ZNF804B: variants seen among roughly 807,000 people sequenced by gnomAD.
ZNF804B encodes zinc finger 804B.
ZNF804B carries 80 observed loss-of-function variants against 101.4 expected under a neutral mutation model. That is an observed-to-expected ratio of 0.79 (90% CI 0.66 to 0.95). ZNF804B has a LOEUF of 0.95. Among genes scored for constraint, ZNF804B ranks in the 40% least tolerant of loss-of-function variants. The probability of loss-of-function intolerance (pLI) is 0.00; values close to 1 mark genes in which losing one functional copy is unlikely to be tolerated. For synonymous variants in ZNF804B, 622 were observed against 558.8 expected, an observed-to-expected ratio of 1.11 and a Z score of -1.59; for missense variants, 1,673 against 1,561.9, an observed-to-expected ratio of 1.07 and a Z score of -1.20.
intron 1 of ZNF804B, among the ~76,000 whole-genome samples, chr7:88,915,081 ATAT>A (rs1290939214): frequency 6.6e-6 from 1 of 152,118 alleles, no homozygotes; most frequent in Non-Finnish European, 1.5e-5. Flanking sequence ...TGTGTTAGAA[ATAT>A]TATGTGTATA....
intron 2 of ZNF804B, among the ~76,000 whole-genome samples, chr7:89,222,431 G>A (rs1789019184): frequency 6.6e-6 from 1 of 151,878 alleles, no homozygotes; most frequent in Admixed American, 6.6e-5. Flanking sequence ...GACCAGATAA[G>A]TCTTTTCAAA....
At chr7:88,762,816 G>C (rs1289086761) in intron 1 of ZNF804B, among the ~76,000 whole-genome samples, 1 of 150,886 alleles carries the variant, frequency 6.6e-6, no homozygotes, top group African/African-American at 2.4e-5. Flanking sequence ...GATATTCTTA[G>C]TTGACTTAAC....
At chr7:88,989,926 C>G (rs1418139287) in intron 1 of ZNF804B, among the ~76,000 whole-genome samples, 1 of 152,028 alleles carries the variant, frequency 6.6e-6, no homozygotes, top group Non-Finnish European at 1.5e-5. Flanking sequence ...TATCTACACA[C>G]CTACCTACCT....
At chr7:89,026,841 A>G (rs989420787) in intron 1 of ZNF804B, among the ~76,000 whole-genome samples, 2 of 152,138 alleles carry the variant, frequency 1.3e-5, no homozygotes, top group African/African-American at 4.8e-5. Context: ...ACCCAAATGG[A>G]GCTTTTGGTG....
At chr7:88,999,131 A>C (rs1438057295) in intron 1 of ZNF804B, among the ~76,000 whole-genome samples, 1 of 152,120 alleles carries the variant, frequency 6.6e-6, no homozygotes, top group Non-Finnish European at 1.5e-5. Context: ...TGAGATTTCA[A>C]TCAGTTTTAC....
intron 1 of ZNF804B, among the ~76,000 whole-genome samples, chr7:88,950,588 TGTAA>T (rs894990566): frequency 2.4e-4 from 36 of 151,902 alleles, no homozygotes; most frequent in Admixed American, 6.6e-5. Flanking sequence ...TGTGCTATTT[TGTAA>T]GTCTTTGTAT....
intron 1 of ZNF804B, among the ~76,000 whole-genome samples, chr7:88,819,551 T>C (rs904131122): frequency 2.6e-5 from 4 of 152,168 alleles, no homozygotes; most frequent in Non-Finnish European, 5.9e-5. Context: ...TTCTGCCTGC[T>C]CTCTTGGAAG....
intron 1 of ZNF804B, among the ~76,000 whole-genome samples, chr7:88,869,732 C>G (rs548902642): frequency 3.3e-5 from 5 of 152,042 alleles, no homozygotes; most frequent in African/African-American, 1.2e-4. Context: ...ATAAGGAACC[C>G]CTGGAGTTGC....
At chr7:89,172,386 T>C (rs1791250119) in intron 1 of ZNF804B, among the ~76,000 whole-genome samples, 1 of 152,128 alleles carries the variant, frequency 6.6e-6, no homozygotes, top group Non-Finnish European at 1.5e-5. Context: ...GATATCCTAG[T>C]TAAGCAATTC....
chr7:89,075,935 G>T (rs1320343949), intron 1 of ZNF804B, among the ~76,000 whole-genome samples: 1 of 152,212 alleles, frequency 6.6e-6, no homozygotes, highest in African/African-American at 2.4e-5. Context: ...GTTAAGATTT[G>T]CATGGGGCCT....
At chr7:89,281,159 A>G (rs1489914732) in intron 2 of ZNF804B, among the ~76,000 whole-genome samples, 1 of 152,214 alleles carries the variant, frequency 6.6e-6, no homozygotes, top group Non-Finnish European at 1.5e-5. Flanking sequence ...TAAGACCTGT[A>G]TATAATTATG....
At chr7:89,258,960 C>T (rs1789673844) in intron 2 of ZNF804B, among the ~76,000 whole-genome samples, 1 of 151,932 alleles carries the variant, frequency 6.6e-6, no homozygotes, top group Non-Finnish European at 1.5e-5. Context: ...TACAAAAATA[C>T]ATCATAATTT....
At chr7:88,856,818 G>T (rs893799731) in intron 1 of ZNF804B, among the ~76,000 whole-genome samples, 12 of 152,090 alleles carry the variant, frequency 7.9e-5, no homozygotes, top group Non-Finnish European at 1.5e-4. Flanking sequence ...TAGTATGAAG[G>T]GCTGTTGAAT....
intron 1 of ZNF804B, among the ~76,000 whole-genome samples, chr7:89,148,924 A>T (rs1435903746): frequency 2.0e-5 from 3 of 152,080 alleles, no homozygotes; most frequent in Non-Finnish European, 2.9e-5. Context: ...AGCTAGCCAT[A>T]AACAATCAGG....
chr7:88,878,297 A>G (rs1160246491), intron 1 of ZNF804B, among the ~76,000 whole-genome samples: 9 of 152,268 alleles, frequency 5.9e-5, no homozygotes, highest in Middle Eastern at 3.4e-3. Flanking sequence ...TCTCCATTAG[A>G]TAACACCAAA....
At chr7:89,087,503 A>G (rs1789822729) in intron 1 of ZNF804B, among the ~76,000 whole-genome samples, 1 of 152,008 alleles carries the variant, frequency 6.6e-6, no homozygotes, top group South Asian at 2.1e-4. Context: ...TACACTAAGT[A>G]AATATTACAG....
At chr7:88,898,172 C>T (rs938095914) in intron 1 of ZNF804B, among the ~76,000 whole-genome samples, 7 of 147,890 alleles carry the variant, frequency 4.7e-5, no homozygotes, top group Admixed American at 4.1e-4. Flanking sequence ...CTGCAAGCTC[C>T]GCCTCCCGGG....
intron 1 of ZNF804B, among the ~76,000 whole-genome samples, chr7:89,036,963 T>G (rs1445393803): frequency 1.3e-5 from 2 of 152,202 alleles, no homozygotes; most frequent in Non-Finnish European, 2.9e-5. Flanking sequence ...ATGTTTAATC[T>G]ACTTTTTCAC....
chr7:89,303,042 A>G (rs1313994957), intron 2 of ZNF804B, among the ~76,000 whole-genome samples: 1 of 151,930 alleles, frequency 6.6e-6, no homozygotes, highest in Admixed American at 6.6e-5. Context: ...GGGAATTACT[A>G]TATTAAACCA....
Sources: allele counts gnomAD v4.1 joint callset (sites outside exome capture counted in the v4.1 genomes callset), GRCh38; gene constraint gnomAD v4.1.1; transcripts MANE v1.5; gene names NCBI Gene and HGNC (gene_info 2026-07-23, HGNC 2026-07-21).